The following KAZN variants were observed in gnomAD, a reference collection of about 807,000 sequenced individuals.
KAZN encodes kazrin, periplakin interacting protein, also known as kazrin.
KAZN carries 40 observed loss-of-function variants against 87.4 expected under a neutral mutation model. That is an observed-to-expected ratio of 0.46 (90% CI 0.36 to 0.60). KAZN has a LOEUF of 0.60. KAZN is among the 20% of genes least tolerant of loss of function. KAZN has a pLI of 0.00. For missense variants in KAZN, 898 were observed against 1,073.9 expected (o/e 0.84, Z 2.29); for synonymous variants, 466 against 458.3 (o/e 1.02, Z -0.22).
At chr1:14,003,411 A>G (rs979209879) in intron 1 of KAZN, among the ~76,000 whole-genome samples, 3 of 152,078 alleles carry the variant, frequency 2.0e-5, no homozygotes, top group Non-Finnish European at 4.4e-5. Flanking sequence ...TGTCAAGGCA[A>G]TCTAGCCAGC....
At chr1:14,284,201 A>G (rs946700865) in intron 2 of KAZN, among the ~76,000 whole-genome samples, 4 of 152,186 alleles carry the variant, frequency 2.6e-5, no homozygotes, top group African/African-American at 7.2e-5. Context: ...ATGTTCTAGC[A>G]TAATTGATTG....
At chr1:14,259,901 C>A (rs548072444) in intron 2 of KAZN, among the ~76,000 whole-genome samples, 1 of 152,296 alleles carries the variant, frequency 6.6e-6, no homozygotes, top group Admixed American at 6.5e-5. Flanking sequence ...TGATCACTCT[C>A]CCCTTGAACA....
At chr1:13,925,998 G>C (rs531107940) in intron 1 of KAZN, among the ~76,000 whole-genome samples, 1 of 152,284 alleles carries the variant, frequency 6.6e-6, no homozygotes, top group East Asian at 1.9e-4. Context: ...GTAGAGACTT[G>C]GGAGGGGCAC....
chr1:14,652,890 GGA>G (rs35920344), intron 1 of KAZN, among the ~76,000 whole-genome samples: 32,181 of 151,718 alleles, frequency 0.21, 3,524 homozygotes, highest in South Asian at 0.27. Context: ...GTCACAGCTG[GGA>G]GAGAGGGGGG....
chr1:14,586,916 A>G (rs908075853), intron 2 of KAZN, among the ~76,000 whole-genome samples: 7 of 152,088 alleles, frequency 4.6e-5, no homozygotes, highest in Non-Finnish European at 8.8e-5. Context: ...AAAATCCACA[A>G]ATTGGGTGAT....
At chr1:14,597,623 G>A (rs1322616898), upstream of KAZN, among the ~76,000 whole-genome samples, 1 of 152,168 alleles carries the variant, frequency 6.6e-6, no homozygotes, top group Non-Finnish European at 1.5e-5. Context: ...GTAAGAACCT[G>A]AAGGGTGGGC....
At chr1:13,959,019 C>T (rs912898592) in intron 1 of KAZN, among the ~76,000 whole-genome samples, 1 of 152,108 alleles carries the variant, frequency 6.6e-6, no homozygotes, top group African/African-American at 2.4e-5. Flanking sequence ...CTAGGCCCAC[C>T]CACAGTCTTG....
At chr1:14,458,426 ATTC>A (rs1377969799) in intron 2 of KAZN, among the ~76,000 whole-genome samples, 5 of 152,144 alleles carry the variant, frequency 3.3e-5, no homozygotes, top group Admixed American at 2.0e-4. Context: ...TTCCCTTTCA[ATTC>A]TTCCATCTCT....
At chr1:14,796,906 C>T (rs933550027) in intron 1 of KAZN, among the ~76,000 whole-genome samples, 21 of 152,230 alleles carry the variant, frequency 1.4e-4, no homozygotes, top group Non-Finnish European at 2.8e-4. Flanking sequence ...GTGGTGAGGG[C>T]AGCTCCCAGG....
chr1:15,044,077 C>T lies in KAZN; in HGVS notation c.644C>T (p.Ala215Val), dbSNP rs764484740. The part of the protein sequence containing the change: ...KWELRRQAKE[A>V]TDHATALRSQ... ...GAGCTGCGGCGCCAAGCCAAGGAGGCCACAGACCACGCCACGGCACTGCGC... is the reference window on the plus strand; with the variant it reads ...GAGCTGCGGCGCCAAGCCAAGGAGGTCACAGACCACGCCACGGCACTGCGC... Residue 215 changes from alanine to valine, a missense_variant, in exon 4 of 15, where the codon GCC becomes GTC. Transcript: ENST00000376030. 3.1e-6 allele frequency: 5 copies of T among 1,612,886 alleles called. No individual in the cohort carries two copies. The South Asian group carries it at 4.4e-5, about 14-fold the overall frequency.
chr1:14,263,226 G>T (rs1239564297), intron 2 of KAZN, among the ~76,000 whole-genome samples: 2 of 152,116 alleles, frequency 1.3e-5, no homozygotes, highest in Non-Finnish European at 2.9e-5. Flanking sequence ...CAAACCCCTA[G>T]GTCTATTGTA....
intron 1 of KAZN, among the ~76,000 whole-genome samples, chr1:14,609,129 G>T: frequency 6.6e-6 from 1 of 152,194 alleles, no homozygotes; most frequent in Admixed American, 6.5e-5. Flanking sequence ...CTTAATTAAT[G>T]TGCTCATCAA....
intron 1 of KAZN, among the ~76,000 whole-genome samples, chr1:14,800,085 G>T (rs1165927753): frequency 6.6e-6 from 1 of 152,148 alleles, no homozygotes; most frequent in Admixed American, 6.5e-5. Flanking sequence ...GCAGGTCCAT[G>T]ATGAGCCAGA....
At chr1:15,054,648 T>A (rs1261893598) in intron 4 of KAZN, among the ~76,000 whole-genome samples, 1 of 140,526 alleles carries the variant, frequency 7.1e-6, no homozygotes, top group African/African-American at 2.8e-5. Context: ...TGAGACTCCA[T>A]CTCAAAAAAA....
chr1:14,642,871 A>T (rs1680511380), intron 1 of KAZN, among the ~76,000 whole-genome samples: 4 of 152,276 alleles, frequency 2.6e-5, no homozygotes, highest in African/African-American at 9.6e-5. Flanking sequence ...AAAAAGACAG[A>T]CAATACTAAG....
chr1:14,531,385 C>T (rs917697371), intron 2 of KAZN, among the ~76,000 whole-genome samples: 1 of 152,206 alleles, frequency 6.6e-6, no homozygotes, highest in African/African-American at 2.4e-5. Flanking sequence ...GTTCTCACTT[C>T]TATGCAGATT....
chr1:14,193,658 GGT>G lies in KAZN; in HGVS notation c.249+13069_249+13070del, dbSNP rs1217488229. Among the ~76,000 whole-genome samples the G allele has an allele frequency of 3.2e-4, 20 of 61,694 alleles. No individual in the cohort carries two copies. The East Asian group carries it at 8.1e-3, about 25-fold the overall frequency. 40.5% of individuals were successfully genotyped at this position (61,694 alleles called of 152,430 possible). On this transcript the variant is annotated intron_variant, in intron 2 of 16. Coordinates refer to the KAZN transcript ENST00000636203. Reference sequence around the variant, plus strand: ...AAGATCACAAACTAAGAAAGACTAAGGTGTTTTTTTTTTTTTTTTTTACCAGG... The same window carrying G: ...AAGATCACAAACTAAGAAAGACTAAGGTTTTTTTTTTTTTTTTTTACCAGG...
intron 2 of KAZN, among the ~76,000 whole-genome samples, chr1:14,568,258 C>T (rs1006536555): frequency 6.6e-6 from 1 of 152,146 alleles, no homozygotes; most frequent in Non-Finnish European, 1.5e-5. Context: ...GACAAGTGAC[C>T]TTTAGGGGCT....
At chr1:14,988,293 C>T (rs987000238) in intron 2 of KAZN, among the ~76,000 whole-genome samples, 1 of 152,232 alleles carries the variant, frequency 6.6e-6, no homozygotes. Flanking sequence ...GGGCTTCCTC[C>T]GTCACAGAAC....
Sources: allele counts gnomAD v4.1 joint callset (sites outside exome capture counted in the v4.1 genomes callset), GRCh38; gene constraint gnomAD v4.1.1; transcripts MANE v1.5; gene names NCBI Gene and HGNC (gene_info 2026-07-23, HGNC 2026-07-21).